The following GLIS3 variants were observed in gnomAD, a reference collection of about 807,000 sequenced individuals.
GLIS3 encodes GLIS family zinc finger 3, also known as zinc finger protein GLIS3.
GLIS3 carries 53 observed loss-of-function variants against 78.6 expected under a neutral mutation model. That is an observed-to-expected ratio of 0.67 (90% CI 0.54 to 0.85). The LOEUF (loss-of-function observed/expected upper bound fraction) is 0.85. Among genes scored for constraint, GLIS3 ranks in the 40% least tolerant of loss-of-function variants. GLIS3 has a pLI of 0.00. For missense variants in GLIS3, 1,703 were observed against 1,231.1 expected, an observed-to-expected ratio of 1.38 and a Z score of -5.74; for synonymous variants, 684 against 509.9, an observed-to-expected ratio of 1.34 and a Z score of -4.60.
intron 2 of GLIS3, among the ~76,000 whole-genome samples, chr9:4,275,545 A>G (rs1826907259): frequency 6.6e-6 from 1 of 151,378 alleles, no homozygotes; most frequent in African/African-American, 2.4e-5. Flanking sequence ...GGATCGTTTG[A>G]GCCTAGGAGT....
At chr9:4,184,922 T>C (rs1451217101) in intron 2 of GLIS3, among the ~76,000 whole-genome samples, 2 of 152,172 alleles carry the variant, frequency 1.3e-5, no homozygotes, top group Non-Finnish European at 2.9e-5. Context: ...GTTGCTGACA[T>C]AAAAAGACAG....
At chr9:4,238,299 G>C (rs1245871539) in intron 2 of GLIS3, among the ~76,000 whole-genome samples, 2 of 152,042 alleles carry the variant, frequency 1.3e-5, no homozygotes, top group Non-Finnish European at 2.9e-5. Flanking sequence ...CCTAAGCTCT[G>C]CCCAGAATAG....
the GLIS3 span, among the ~76,000 whole-genome samples, chr9:4,357,991 T>C: frequency 0.019 from 2,966 of 152,320 alleles, 100 homozygotes; most frequent in African/African-American, 0.067. Flanking sequence ...ATGGATATTA[T>C]GCCTTTGTTT....
At chr9:4,402,662 T>C in the GLIS3 span, among the ~76,000 whole-genome samples, 7 of 151,904 alleles carry the variant, frequency 4.6e-5, no homozygotes, top group South Asian at 6.3e-4. Flanking sequence ...AATTCTAGAG[T>C]TGGAAAATGC....
In GLIS3 at chr9:3,869,563, G is replaced by C. The variant is rs569777259; in HGVS notation, c.2297+9864C>G. On this transcript the variant is annotated intron_variant, in intron 8 of 10. Coordinates refer to ENST00000381971, the MANE Select transcript of GLIS3 (RefSeq NM_001042413.2). ...GCAACTATGCATTGTATCAAAGTAC[G>C]CAGGTTATACAAGATGGGAAGAACT... is the stretch of plus-strand genomic sequence containing the variant. Among the ~76,000 whole-genome samples, 26 of 152,328 alleles carry C rather than the reference G, an allele frequency of 1.7e-4. No homozygotes were observed. In the East Asian group the frequency reaches 4.8e-3, roughly 28 times the overall value.
chr9:4,236,204 A>AAAATAG (rs536737911), intron 2 of GLIS3, among the ~76,000 whole-genome samples: 3 of 86,342 alleles, frequency 3.5e-5, no homozygotes, highest in African/African-American at 8.7e-5. Flanking sequence ...AAAAAAAAAA[A>AAAATAG]AAAGAAAGAA....
intron 1 of GLIS3, among the ~76,000 whole-genome samples, chr9:4,290,022 C>A (rs1367620621): frequency 6.6e-6 from 1 of 152,074 alleles, no homozygotes; most frequent in Non-Finnish European, 1.5e-5. Flanking sequence ...CACTGCTCAT[C>A]ATGGATTAAA....
chr9:4,402,178 C>T, the GLIS3 span, among the ~76,000 whole-genome samples: 5 of 152,202 alleles, frequency 3.3e-5, no homozygotes, highest in Non-Finnish European at 5.9e-5. Context: ...ACCACACTCC[C>T]AATTCCAGAC....
the GLIS3 span, among the ~76,000 whole-genome samples, chr9:4,405,200 C>A: frequency 2.0e-5 from 3 of 151,746 alleles, no homozygotes; most frequent in Admixed American, 1.3e-4. Context: ...ACTAAAAATA[C>A]AAAATTAGCC....
intron 4 of GLIS3, among the ~76,000 whole-genome samples, chr9:3,938,531 TA>T (rs771833510): frequency 6.6e-6 from 1 of 151,508 alleles, no homozygotes; most frequent in African/African-American, 2.4e-5. Context: ...ACGAACTAAG[TA>T]AAAAAAAATA....
At chr9:4,112,444 C>A (rs1212143854) in intron 4 of GLIS3, among the ~76,000 whole-genome samples, 1 of 152,178 alleles carries the variant, frequency 6.6e-6, no homozygotes. Context: ...ATTTATCTAG[C>A]ACTAATGTTA....
intron 2 of GLIS3, among the ~76,000 whole-genome samples, chr9:4,176,435 T>C (rs1282463578): frequency 6.6e-6 from 1 of 152,228 alleles, no homozygotes; most frequent in Non-Finnish European, 1.5e-5. Context: ...CTAGTTGTAC[T>C]TTAAAATTAT....
intron 9 of GLIS3, among the ~76,000 whole-genome samples, chr9:3,850,944 C>A (rs1016398147): frequency 6.6e-6 from 1 of 152,242 alleles, no homozygotes; most frequent in Non-Finnish European, 1.5e-5. Context: ...CCTTCTTTGA[C>A]ACCTTCTTCT....
intron 4 of GLIS3, among the ~76,000 whole-genome samples, chr9:4,063,037 C>T (rs1826788473): frequency 6.6e-6 from 1 of 152,024 alleles, no homozygotes; most frequent in South Asian, 2.1e-4. Flanking sequence ...ACTCTCTTGA[C>T]TCTTTATCTC....
chr9:4,229,720 A>C (rs999142697), intron 2 of GLIS3, among the ~76,000 whole-genome samples: 2 of 152,220 alleles, frequency 1.3e-5, no homozygotes, highest in African/African-American at 4.8e-5. Flanking sequence ...AAGAAAGAGA[A>C]CTCTAACAAC....
chr9:4,475,931 T>C, the GLIS3 span, among the ~76,000 whole-genome samples: 1 of 152,126 alleles, frequency 6.6e-6, no homozygotes, highest in Admixed American at 6.6e-5. Context: ...TTTTTTGAAA[T>C]ACAGATGGGG....
intron 4 of GLIS3, among the ~76,000 whole-genome samples, chr9:4,009,921 A>G (rs73641250): frequency 0.015 from 2,348 of 152,306 alleles, 76 homozygotes; most frequent in African/African-American, 0.053. Context: ...GGGGCTTTCA[A>G]TAGTCCCTTC....
chr9:4,418,593 G>C, the GLIS3 span, among the ~76,000 whole-genome samples: 1 of 152,070 alleles, frequency 6.6e-6, no homozygotes, highest in Non-Finnish European at 1.5e-5. Context: ...CAGCTACTCA[G>C]GAGGCTGAGG....
chr9:4,448,018 T>C, the GLIS3 span, among the ~76,000 whole-genome samples: 5 of 152,070 alleles, frequency 3.3e-5, no homozygotes, highest in African/African-American at 9.7e-5. Flanking sequence ...TCCCGAAGAG[T>C]TGAGATTACA....
Sources: gnomAD v4.1 joint callset for allele counts (sites outside exome capture counted in the v4.1 genomes callset) on GRCh38, gnomAD v4.1.1 for gene constraint, MANE v1.5 for transcripts, NCBI Gene and HGNC (gene_info 2026-07-23, HGNC 2026-07-21) for gene names.